Variants in LNX1 observed in about 807,000 individuals in gnomAD.
LNX1 encodes the protein E3 ubiquitin-protein ligase LNX.
In LNX1, 54 loss-of-function variants were observed where a neutral mutation model predicts 68.4. That is an observed-to-expected ratio of 0.79 (90% CI 0.63 to 0.99). The LOEUF is 0.99. Ranked by LOEUF, LNX1 falls within the 50% of genes least tolerant of loss-of-function variation. The pLI is 0.00. For synonymous variants in LNX1, 336 were observed against 350.0 expected, an observed-to-expected ratio of 0.96 and a Z score of 0.45; for missense variants, 906 against 926.4, an observed-to-expected ratio of 0.98 and a Z score of 0.29.
chr4:53,551,893 A>G (rs1402446871), intron 2 of LNX1, among the ~76,000 whole-genome samples: 1 of 152,174 alleles, frequency 6.6e-6, no homozygotes, highest in East Asian at 1.9e-4. Context: ...CAGATTTGCC[A>G]CCAGTAACAC....
intron 2 of LNX1, among the ~76,000 whole-genome samples, chr4:53,513,372 T>C (rs958282892): frequency 6.6e-6 from 1 of 152,194 alleles, no homozygotes; most frequent in Non-Finnish European, 1.5e-5. Flanking sequence ...AGAAATGCCT[T>C]GTCCGAGTTC....
In LNX1 at chr4:53,574,021, A is replaced by G. The variant is rs1195981875; in HGVS notation, c.-19T>C. On this transcript the variant is annotated 5_prime_UTR_variant, in exon 2 of 11. Coordinates refer to ENST00000263925, the MANE Select transcript of LNX1 (RefSeq NM_001126328.3). ...GGTTCATGATGGATTGGAGAGCAGT[A>G]TAACAGGAAACTCAGTCACACAATA... 1.3e-6 allele frequency: 2 copies of G among 1,588,910 alleles called. No individual in the cohort carries two copies. The highest frequency in any genetic ancestry group is 1.2e-5 in the South Asian group (1 of 86,602).
intron 2 of LNX1, chr4:53,558,310 G>A (rs574382551): frequency 2.9e-5 from 31 of 1,082,468 alleles, no homozygotes; most frequent in Admixed American, 2.4e-4. Flanking sequence ...TTACATCACC[G>A]GCTGGGAGCA....
intron 4 of LNX1, among the ~76,000 whole-genome samples, chr4:53,504,017 C>A (rs532144897): frequency 1.3e-5 from 2 of 152,310 alleles, no homozygotes; most frequent in African/African-American, 4.8e-5. Context: ...CGCCTGTAAT[C>A]CCAGCTACTT....
chr4:53,592,363 C>A (rs1053813702), upstream of LNX1, among the ~76,000 whole-genome samples: 2 of 152,202 alleles, frequency 1.3e-5, no homozygotes, highest in African/African-American at 4.8e-5. Context: ...CCTTTTCCAG[C>A]AGGAAAGGAG....
At chr4:53,504,320 T>C (rs1338317312) in intron 4 of LNX1, among the ~76,000 whole-genome samples, 1 of 152,276 alleles carries the variant, frequency 6.6e-6, no homozygotes, top group Non-Finnish European at 1.5e-5. Flanking sequence ...AGATGGCTTC[T>C]TTCCTTAAAC....
At position 53,517,803 on chromosome 4, in the gene LNX1, C is replaced by T. The variant is rs140441599; in HGVS notation, c.381-9576G>A. Among the ~76,000 whole-genome samples the T allele has an allele frequency of 7.1e-3, 1,076 of 152,282 alleles. 1 individual carries two copies. Among genetic ancestry groups the T allele is most frequent in the African/African-American group, 0.012 (486 of 41,560 alleles). ...TGGAAAAAAGTTATGAGCATTTTTG[C>T]GTAGTCAGAGGTGAACTGAATATCA... On this transcript the variant is annotated intron_variant, in intron 2 of 10. Coordinates refer to ENST00000263925, the MANE Select transcript of LNX1 (RefSeq NM_001126328.3).
chr4:53,567,030 C>G, intron 2 of LNX1, among the ~76,000 whole-genome samples: 1 of 150,210 alleles, frequency 6.7e-6, no homozygotes, highest in African/African-American at 2.4e-5. Flanking sequence ...ACTTAGACTC[C>G]CACACATTAA....
chr4:53,601,333 C>T (rs1399357188), intron 2 of LNX1, among the ~76,000 whole-genome samples: 1 of 152,086 alleles, frequency 6.6e-6, no homozygotes, highest in Non-Finnish European at 1.5e-5. Context: ...TGGCTGTCCC[C>T]CTGAAGTGGC....
At chr4:53,564,481 C>T (rs1043056983) in intron 2 of LNX1, among the ~76,000 whole-genome samples, 2 of 152,210 alleles carry the variant, frequency 1.3e-5, no homozygotes, top group African/African-American at 4.8e-5. Context: ...CAGAGGATGA[C>T]TCCAGTGCTG....
chr4:53,619,291 A>G (rs1440539487), upstream of LNX1, among the ~76,000 whole-genome samples: 1 of 152,224 alleles, frequency 6.6e-6, no homozygotes, highest in African/African-American at 2.4e-5. Context: ...ATTTCATTTC[A>G]GAACACTTTC....
At chr4:53,476,158 G>A (rs547991188) in intron 9 of LNX1, among the ~76,000 whole-genome samples, 8 of 152,204 alleles carry the variant, frequency 5.3e-5, no homozygotes, top group African/African-American at 7.2e-5. Context: ...TGAGCTGGGC[G>A]TGGTGGTGTG....
intron 9 of LNX1, among the ~76,000 whole-genome samples, chr4:53,463,606 A>G (rs1353885171): frequency 6.7e-6 from 1 of 149,848 alleles, no homozygotes; most frequent in Non-Finnish European, 1.5e-5. Flanking sequence ...CTTTTTTCCT[A>G]TTCTGCACTC....
chr4:53,534,808 T>A lies in LNX1; in HGVS notation c.381-26581A>T, dbSNP rs542715219. On this transcript the variant is annotated intron_variant, in intron 2 of 10. Coordinates refer to ENST00000263925, the MANE Select transcript of LNX1 (RefSeq NM_001126328.3). ...TCAATGATTTGTGCTCTTTCTCATTTCTATTCAGCCATATACATTGTCCAG... is the reference window on the plus strand; with the variant it reads ...TCAATGATTTGTGCTCTTTCTCATTACTATTCAGCCATATACATTGTCCAG... Among the ~76,000 whole-genome samples, 20 of 152,356 alleles carry A rather than the reference T, an allele frequency of 1.3e-4. No individual in the cohort carries two copies. The South Asian group carries it at 1.9e-3, about 14-fold the overall frequency.
At chr4:53,524,754 G>A (rs1192560254) in intron 2 of LNX1, among the ~76,000 whole-genome samples, 1 of 152,208 alleles carries the variant, frequency 6.6e-6, no homozygotes, top group Non-Finnish European at 1.5e-5. Flanking sequence ...AAGATGCCCA[G>A]CTGAGGAATT....
At chr4:53,548,116 T>C (rs1179040394) in intron 2 of LNX1, among the ~76,000 whole-genome samples, 3 of 110,060 alleles carry the variant, frequency 2.7e-5, no homozygotes, top group African/African-American at 1.2e-4. Flanking sequence ...GAAGGAGTGA[T>C]GGTTGAAAAA....
intron 2 of LNX1, among the ~76,000 whole-genome samples, chr4:53,527,322 T>C (rs1159970938): frequency 6.6e-6 from 1 of 152,212 alleles, no homozygotes; most frequent in Non-Finnish European, 1.5e-5. Context: ...TAACTGACTT[T>C]CTTCTATTTT....
At chr4:53,526,126 A>G (rs533407156) in intron 2 of LNX1, among the ~76,000 whole-genome samples, 26 of 152,328 alleles carry the variant, frequency 1.7e-4, no homozygotes, top group African/African-American at 6.0e-4. Context: ...TATTAAAAAA[A>G]GATAACATAC....
upstream of LNX1, among the ~76,000 whole-genome samples, chr4:53,594,523 T>C (rs1251988653): frequency 1.3e-5 from 2 of 152,162 alleles, no homozygotes; most frequent in Admixed American, 1.3e-4. Context: ...TGGCAAATCC[T>C]GGACATATAG....
Sources: allele counts gnomAD v4.1 joint callset (sites outside exome capture counted in the v4.1 genomes callset), GRCh38; gene constraint gnomAD v4.1.1; transcripts MANE v1.5; gene names NCBI Gene and HGNC (gene_info 2026-07-23, HGNC 2026-07-21).